Variants in FBLN1 observed in about 807,000 individuals in gnomAD.
FBLN1 encodes the protein fibulin-1.
A neutral mutation model predicts 89.7 loss-of-function variants in FBLN1; 34 were observed. That is an observed-to-expected ratio of 0.38 (90% confidence interval 0.29 to 0.50). The LOEUF (loss-of-function observed/expected upper bound fraction) is 0.50, where lower values mean the gene tolerates loss of function less well. FBLN1 is among the 20% of genes least tolerant of loss of function. The pLI is 0.92. For synonymous variants in FBLN1, 393 were observed against 391.3 expected (o/e 1.00, Z -0.05); for missense variants, 777 against 988.1 (o/e 0.79, Z 2.86).
intron 2 of FBLN1, among the ~76,000 whole-genome samples, chr22:45,520,237 C>T (rs920177079): frequency 2.0e-5 from 3 of 152,170 alleles, no homozygotes; most frequent in African/African-American, 4.8e-5. Flanking sequence ...ACTGTGGCAA[C>T]GTATTGGTTT....
chr22:45,551,747 C>G (rs972389852), intron 14 of FBLN1, among the ~76,000 whole-genome samples: 2 of 152,252 alleles, frequency 1.3e-5, no homozygotes, highest in African/African-American at 4.8e-5. Context: ...CAGGCAGTGA[C>G]ACTGCTTCTC....
Position 45,562,841 on chromosome 22 carries a change from G to C in FBLN1, c.1698-11670G>C, listed in dbSNP as rs566659312. ...CCGCCTGCCAGCCCCGCATCCCCGC[G>C]CTCTGCCGTTTCTCCGCTTGCTGGA... On this transcript the variant is annotated intron_variant, in intron 14 of 16. Transcript: ENST00000327858. The surrounding 1 kb of genome is among the most constrained non-coding windows in gnomAD (Gnocchi z 7.8). The C allele has an allele frequency of 1.4e-6, 2 of 1,475,824 alleles. No homozygotes were observed. Among genetic ancestry groups the C allele is most frequent in the Non-Finnish European group, 1.9e-6 (2 of 1,064,596 alleles). The allele number at this position is 1,475,824 out of a possible 1,614,324, so 91.4% of individuals were successfully genotyped here.
chr22:45,505,523 C>T (rs2088007462), intron 1 of FBLN1, among the ~76,000 whole-genome samples: 1 of 152,222 alleles, frequency 6.6e-6, no homozygotes, highest in Non-Finnish European at 1.5e-5. Flanking sequence ...CTCAGGGCTG[C>T]ATTTGCCACC....
At chr22:45,526,607 G>A (rs1232577335) in intron 3 of FBLN1, among the ~76,000 whole-genome samples, 1 of 152,224 alleles carries the variant, frequency 6.6e-6, no homozygotes, top group African/African-American at 2.4e-5. Context: ...AATGAAGTCT[G>A]GATTCCAGGA....
intron 14 of FBLN1, among the ~76,000 whole-genome samples, chr22:45,567,527 A>G (rs2088909827): frequency 6.6e-6 from 1 of 152,190 alleles, no homozygotes; most frequent in South Asian, 2.1e-4. Context: ...GAGGCAGGAG[A>G]ACTGCTTGAA....
chr22:45,600,419 C>A lies in FBLN1; in HGVS notation c.2085C>A (p.His695Gln), dbSNP rs762555132. The change falls in exon 17 of 17, where the codon CAC becomes CAA. Residue 695 changes from histidine (H) to glutamine (Q), a missense_variant. His to Gln is a conservative substitution (Grantham distance 24, BLOSUM62 0). Coordinates refer to ENST00000327858, the MANE Select transcript of FBLN1 (RefSeq NM_006486.3). Reference sequence around the variant, plus strand: ...CCCACCGAAATGTTGTCAACGTCCACATCTTCGTCTCTGAGTACTGGTTCT... The same window carrying A: ...CCCACCGAAATGTTGTCAACGTCCAAATCTTCGTCTCTGAGTACTGGTTCT... ...VVSHRNVVNVHIFVSEYWF is the reference protein window; with the variant it reads ...VVSHRNVVNVQIFVSEYWF 1.2e-6 allele frequency: 2 copies of A among 1,614,216 alleles called. No individual in the cohort carries two copies. Among genetic ancestry groups the A allele is most frequent in the Non-Finnish European group, 1.7e-6 (2 of 1,180,046 alleles).
intron 3 of FBLN1, among the ~76,000 whole-genome samples, chr22:45,526,657 A>G (rs904158838): frequency 2.0e-5 from 3 of 152,204 alleles, no homozygotes; most frequent in African/African-American, 7.2e-5. Flanking sequence ...CTCCACATAG[A>G]TTGGGCTGTG....
At position 45,579,786 on chromosome 22, in the gene FBLN1, C is replaced by T. The variant is rs992711131; in HGVS notation, c.1972+2678C>T. Among the ~76,000 whole-genome samples the T allele has an allele frequency of 2.6e-5, 4 of 152,148 alleles. No homozygotes were observed. Among genetic ancestry groups the T allele is most frequent in the African/African-American group, 9.7e-5 (4 of 41,438 alleles). Reference sequence around the variant, plus strand: ...ATCTTATTTCTCTGTCTGAGATCTCCTCCTTGGGCTTCCATATCCCTACTT... The same window carrying T: ...ATCTTATTTCTCTGTCTGAGATCTCTTCCTTGGGCTTCCATATCCCTACTT... On this transcript the variant is annotated intron_variant, in intron 16 of 16. Transcript: ENST00000327858. This position sits in a 1 kb window ranked among gnomAD's most constrained non-coding sequence, Gnocchi z 5.5.
rs134824 is a variant in FBLN1, at chr22:45,590,614, C to T, written c.1973-9693C>T. 8.7e-4 allele frequency among the ~76,000 whole-genome samples: 133 copies of T among 152,182 alleles called. 1 individual carries two copies. Among genetic ancestry groups the T allele is most frequent in the Non-Finnish European group, 1.5e-3 (104 of 68,010 alleles). On this transcript the variant is annotated intron_variant, in intron 16 of 16. Coordinates refer to ENST00000327858, the MANE Select transcript of FBLN1 (RefSeq NM_006486.3). This position sits in a 1 kb window ranked among gnomAD's most constrained non-coding sequence, Gnocchi z 4.1. ...GAGGGGTGAAAAGGAAGGTGGTACA[C>T]GTGTTCAGGTAGATGCGACGAGGCC...
chr22:45,520,747 G>A (rs1189095485), intron 2 of FBLN1, among the ~76,000 whole-genome samples: 1 of 152,200 alleles, frequency 6.6e-6, no homozygotes, highest in Non-Finnish European at 1.5e-5. Flanking sequence ...TGTGAATGGG[G>A]ATTTTAGTCA....
rs1321936201 is a variant in FBLN1, at chr22:45,543,355, C to G, written c.1196-46C>G. ...TTACTAGGAGGGTGGAGTGTGGTGC[C>G]ACTGTGTTGGACATTGCCCTGAGTC... On this transcript the variant is annotated intron_variant, in intron 10 of 16. Coordinates refer to ENST00000327858, the MANE Select transcript of FBLN1 (RefSeq NM_006486.3). 1.9e-6 allele frequency: 3 copies of G among 1,606,538 alleles called. No homozygotes were observed. The East Asian group carries it at 6.7e-5, about 36-fold the overall frequency.
In FBLN1 at chr22:45,590,805, T is replaced by G. The variant is rs2089129998; in HGVS notation, c.1973-9502T>G. Among the ~76,000 whole-genome samples the G allele has an allele frequency of 6.7e-6, 1 of 149,150 alleles. No individual in the cohort carries two copies. The highest frequency in any genetic ancestry group is 1.5e-5 in the Non-Finnish European group (1 of 67,158). ...GGCTTGGGGGTACCTGCCTGGAGAG[T>G]GAGGGGTAGGGGAGGAAGGGAAGTG... is the stretch of plus-strand genomic sequence containing the variant. On this transcript the variant is annotated intron_variant, in intron 16 of 16. Coordinates refer to ENST00000327858, the MANE Select transcript of FBLN1 (RefSeq NM_006486.3). This position sits in a 1 kb window ranked among gnomAD's most constrained non-coding sequence, Gnocchi z 4.1.
intron 2 of FBLN1, among the ~76,000 whole-genome samples, chr22:45,522,912 G>A (rs923914226): frequency 1.3e-5 from 2 of 152,160 alleles, no homozygotes; most frequent in African/African-American, 4.8e-5. Flanking sequence ...GGTGAGTGGG[G>A]ATCAATCGGT....
chr22:45,514,484 C>A (rs12167736), intron 1 of FBLN1, among the ~76,000 whole-genome samples: 4 of 152,160 alleles, frequency 2.6e-5, no homozygotes, highest in African/African-American at 7.2e-5. Flanking sequence ...GCCACTCCCC[C>A]ACCCCTAGCT....
Position 45,590,493 on chromosome 22 carries a change from G to A in FBLN1, c.1973-9814G>A, listed in dbSNP as rs964486446. On this transcript the variant is annotated intron_variant, in intron 16 of 16. Transcript: ENST00000327858. The surrounding 1 kb of genome is among the most constrained non-coding windows in gnomAD (Gnocchi z 4.1). Reference sequence around the variant, plus strand: ...TGCGTCTCACCTGCTGTGAGCCCGGGTGGGGGTAGGGTGAGAAGAGCCCCC... The same window carrying A: ...TGCGTCTCACCTGCTGTGAGCCCGGATGGGGGTAGGGTGAGAAGAGCCCCC... Among the ~76,000 whole-genome samples, 1 of 152,228 alleles carries A rather than the reference G, an allele frequency of 6.6e-6. No individual in the cohort carries two copies. Among genetic ancestry groups the A allele is most frequent in the Non-Finnish European group, 1.5e-5 (1 of 68,032 alleles).
At chr22:45,594,984 T>C (rs1295896488) in intron 16 of FBLN1, among the ~76,000 whole-genome samples, 1 of 152,154 alleles carries the variant, frequency 6.6e-6, no homozygotes, top group African/African-American at 2.4e-5. Context: ...ATTTGGCATC[T>C]ATTATGTGCC....
At chr22:45,591,226 CAG>C (rs780340841) in intron 16 of FBLN1, among the ~76,000 whole-genome samples, 6 of 152,170 alleles carry the variant, frequency 3.9e-5, no homozygotes, top group Non-Finnish European at 8.8e-5. Context: ...CGTAACCACA[CAG>C]AGCCAAATTT....
chr22:45,566,446 G>T (rs749444382), intron 14 of FBLN1, among the ~76,000 whole-genome samples: 1 of 152,222 alleles, frequency 6.6e-6, no homozygotes, highest in African/African-American at 2.4e-5. Flanking sequence ...GCTCCTTGGG[G>T]CTCCTTAGCC....
chr22:45,568,061 G>T (rs147114363), intron 14 of FBLN1, among the ~76,000 whole-genome samples: 101 of 152,304 alleles, frequency 6.6e-4, no homozygotes, highest in African/African-American at 2.2e-3. Context: ...GCTGGAAATG[G>T]AACAGAAATT....
Sources: allele counts gnomAD v4.1 joint callset (sites outside exome capture counted in the v4.1 genomes callset), GRCh38; gene constraint gnomAD v4.1.1; non-coding constraint Gnocchi (gnomAD v3.1); transcripts MANE v1.5; gene names NCBI Gene and HGNC (gene_info 2026-07-23, HGNC 2026-07-21).